The following NEURL1B variants were observed in gnomAD, a reference collection of about 807,000 sequenced individuals.
The protein encoded by NEURL1B is neuralized E3 ubiquitin protein ligase 1B.
A neutral mutation model predicts 37.4 loss-of-function variants in NEURL1B; 13 were observed. The observed-to-expected ratio is 0.35, with a 90% confidence interval of 0.23 to 0.55. The LOEUF is 0.55. Among genes scored for constraint, NEURL1B ranks in the 20% least tolerant of loss-of-function variants. The pLI is 0.89. For missense variants in NEURL1B, 790 were observed against 879.2 expected, an observed-to-expected ratio of 0.90 and a Z score of 1.28; for synonymous variants, 432 against 426.6, an observed-to-expected ratio of 1.01 and a Z score of -0.16.
chr5:172,686,421 C>A lies in NEURL1B; in HGVS notation c.1423+125C>A. ...TTTCCCCCGCATCCTCTCCTTCCCTCAGCTGTATGCTCAGCTGGAGGGAGG... is the reference window on the plus strand; with the variant it reads ...TTTCCCCCGCATCCTCTCCTTCCCTAAGCTGTATGCTCAGCTGGAGGGAGG... On this transcript the variant is annotated intron_variant, in intron 4 of 4. Transcript: ENST00000369800. This position sits in a 1 kb window ranked among gnomAD's most constrained non-coding sequence, Gnocchi z 7.9. 9.5e-7 allele frequency: 1 copy of A among 1,053,292 alleles called. No homozygotes were observed. The highest frequency in any genetic ancestry group is 1.6e-5 in the African/African-American group (1 of 63,302). The allele number at this position is 1,053,292 out of a possible 1,614,324, so 65.2% of individuals were successfully genotyped here.
chr5:172,686,822 G>A lies in NEURL1B; in HGVS notation c.1565G>A (p.Cys522Tyr). The A allele has an allele frequency of 8.4e-6, 13 of 1,551,778 alleles. No homozygotes were observed. Among genetic ancestry groups the A allele is most frequent in the Non-Finnish European group, 1.1e-5 (13 of 1,147,294 alleles). ...DTVIYTCGHM[C>Y]LCHSCGLRLK... The stretch of plus-strand genomic sequence containing the variant: ...GTCATCTACACGTGTGGACACATGT[G>A]CCTGTGCCACAGCTGCGGCCTGCGG... The change falls in exon 5 of 5, where the codon TGC (cysteine) becomes TAC (tyrosine). Residue 522 changes from cysteine to tyrosine, a missense_variant. Cys to Tyr is a radical substitution (Grantham distance 194). Coordinates refer to ENST00000369800, the MANE Select transcript of NEURL1B (RefSeq NM_001142651.3). This position sits in a 1 kb window ranked among gnomAD's most constrained non-coding sequence, Gnocchi z 7.9.
chr5:172,686,097 G>C lies in NEURL1B; in HGVS notation c.1298-74G>C. 3 of 1,522,440 alleles carry C rather than the reference G, an allele frequency of 2.0e-6. No individual in the cohort carries two copies. 94.3% of individuals were successfully genotyped at this position (1,522,440 alleles called of 1,614,324 possible). ...TTAGACGGGAAAGCTAAGGTGCAAA[G>C]CAGTGAAGAACCATGGACTAGCAGG... On this transcript the variant is annotated intron_variant, in intron 3 of 4. Transcript: ENST00000369800. This position sits in a 1 kb window ranked among gnomAD's most constrained non-coding sequence, Gnocchi z 7.9.
chr5:172,655,721 G>T (rs1224634648), intron 1 of NEURL1B, among the ~76,000 whole-genome samples: 6 of 150,656 alleles, frequency 4.0e-5, no homozygotes, highest in Non-Finnish European at 8.8e-5. Context: ...TTGCTGGCCA[G>T]TGTTTGTTTT....
In NEURL1B at chr5:172,683,393, C is replaced by T. The variant is rs1758403363; in HGVS notation, c.578-26C>T. 7 of 1,302,862 alleles carry T rather than the reference C, an allele frequency of 5.4e-6. No individual in the cohort carries two copies. Among genetic ancestry groups the T allele is most frequent in the African/African-American group, 1.5e-5 (1 of 65,222 alleles). 80.7% of individuals were successfully genotyped at this position (1,302,862 alleles called of 1,614,324 possible). A position where few individuals can be genotyped will look rare whatever the true frequency, so the allele number is the denominator to read the frequency against. On this transcript the variant is annotated intron_variant, in intron 2 of 4. Coordinates refer to ENST00000369800, the MANE Select transcript of NEURL1B (RefSeq NM_001142651.3). The surrounding 1 kb of genome is among the most constrained non-coding windows in gnomAD (Gnocchi z 5.6). Reference sequence around the variant, plus strand: ...AGCCTGACGCGCGGCCTCTCCCCCTCCATGTCCCTCCCTTTGTCCGCACAG... The same window carrying T: ...AGCCTGACGCGCGGCCTCTCCCCCTTCATGTCCCTCCCTTTGTCCGCACAG...
chr5:172,683,729 C>T lies in NEURL1B; in HGVS notation c.888C>T (p.Arg296=). 4.4e-6 allele frequency: 6 copies of T among 1,357,110 alleles called. No individual in the cohort carries two copies. The highest frequency in any genetic ancestry group is 5.7e-6 in the Non-Finnish European group (6 of 1,046,996). 84.1% of individuals were successfully genotyped at this position (1,357,110 alleles called of 1,614,324 possible). Residue 296 remains arginine, a synonymous_variant, in exon 3 of 5, where the codon CGC becomes CGT. Coordinates refer to ENST00000369800, the MANE Select transcript of NEURL1B (RefSeq NM_001142651.3). This position sits in a 1 kb window ranked among gnomAD's most constrained non-coding sequence, Gnocchi z 5.6. ...RGPDVSLSAD[R]KVACAPRPDG... is the part of the protein sequence containing the mutation. ...CCGACGTGAGCCTGTCGGCCGACCG[C>T]AAAGTGGCCTGCGCACCGCGGCCCG...
chr5:172,642,622 T>C (rs1757487605), intron 1 of NEURL1B, among the ~76,000 whole-genome samples: 2 of 152,104 alleles, frequency 1.3e-5, no homozygotes, highest in South Asian at 4.1e-4. Flanking sequence ...CTGGAGCGGG[T>C]TGAAGTGGAC....
At position 172,682,982 on chromosome 5, in the gene NEURL1B, C is replaced by G. The variant is rs536130318; in HGVS notation, c.578-437C>G. Among the ~76,000 whole-genome samples, 28 of 152,256 alleles carry G rather than the reference C, an allele frequency of 1.8e-4. No homozygotes were observed. In the South Asian group the frequency reaches 2.3e-3, roughly 12 times the overall value. On this transcript the variant is annotated intron_variant, in intron 2 of 4. Transcript: ENST00000369800. ...TAGAAGTGCCCGTTGCGTAAGGCCACGAGTACAGGTTTGCTCTTTTTATTG... is the reference window on the plus strand; with the variant it reads ...TAGAAGTGCCCGTTGCGTAAGGCCAGGAGTACAGGTTTGCTCTTTTTATTG...
In NEURL1B at chr5:172,686,875, C is replaced by A. The variant is rs750048346; in HGVS notation, c.1618C>A (p.Pro540Thr). The change falls in exon 5 of 5, where the codon CCC becomes ACC. Residue 540 changes from proline (P) to threonine (T), a missense_variant. Physicochemically the swap from Pro to Thr is conservative, Grantham distance 38 (BLOSUM62 -1). Transcript: ENST00000369800. The surrounding 1 kb of genome is among the most constrained non-coding windows in gnomAD (Gnocchi z 7.9). ...RLKRQARACC[P>T]ICRRPIKDVI... Reference sequence around the variant, plus strand: ...CAAGCGACAGGCCCGGGCCTGCTGCCCCATCTGCCGGCGGCCCATCAAGGA... The same window carrying A: ...CAAGCGACAGGCCCGGGCCTGCTGCACCATCTGCCGGCGGCCCATCAAGGA... 1.9e-6 allele frequency: 3 copies of A among 1,550,488 alleles called. No homozygotes were observed. The highest frequency in any genetic ancestry group is 2.6e-6 in the Non-Finnish European group (3 of 1,146,624).
chr5:172,690,983 A>C lies in NEURL1B; in HGVS notation c.*4058A>C, dbSNP rs1758642339. On this transcript the variant is annotated 3_prime_UTR_variant, in exon 5 of 5. Transcript: ENST00000369800. ...CATTGCTCGGCCCTGCGCCTGCCCC[A>C]GTCCTGGCAGGGGGCACCGGCTCAG... The C allele has an allele frequency of 6.6e-6, 1 of 152,104 alleles. No homozygotes were observed. Among genetic ancestry groups the C allele is most frequent in the African/African-American group, 2.4e-5 (1 of 41,398 alleles). The allele number at this position is 152,104 out of a possible 1,614,324, so 9.4% of individuals were successfully genotyped here. A position where few individuals can be genotyped will look rare whatever the true frequency, so the allele number is the denominator to read the frequency against.
chr5:172,656,280 G>A (rs571171559), intron 1 of NEURL1B, among the ~76,000 whole-genome samples: 11 of 152,286 alleles, frequency 7.2e-5, no homozygotes, highest in Admixed American at 2.0e-4. Context: ...AGAGTGGAGC[G>A]GGTGATCAGA....
intron 1 of NEURL1B, among the ~76,000 whole-genome samples, chr5:172,662,703 C>T (rs1757923461): frequency 6.6e-6 from 1 of 152,148 alleles, no homozygotes; most frequent in South Asian, 2.1e-4. Context: ...ATCTCAGAGC[C>T]ACCCAGGAAG....
intron 1 of NEURL1B, among the ~76,000 whole-genome samples, chr5:172,645,277 T>G (rs912040451): frequency 1.3e-5 from 2 of 152,154 alleles, no homozygotes; most frequent in Non-Finnish European, 2.9e-5. Context: ...TCCCCTAACC[T>G]ACGTGGACAG....
intron 1 of NEURL1B, among the ~76,000 whole-genome samples, chr5:172,645,412 G>A (rs1757542155): frequency 1.3e-5 from 2 of 152,116 alleles, no homozygotes; most frequent in Non-Finnish European, 2.9e-5. Context: ...GAGCCTAGCC[G>A]GGACACATCT....
chr5:172,658,155 G>A (rs1456630873), intron 1 of NEURL1B, among the ~76,000 whole-genome samples: 1 of 152,020 alleles, frequency 6.6e-6, no homozygotes, highest in Non-Finnish European at 1.5e-5. Flanking sequence ...CGGTCTCCAC[G>A]TCTTGGTGGT....
In NEURL1B at chr5:172,665,545, A is replaced by T. The variant is rs1235836657; in HGVS notation, c.32-4240A>T. Among the ~76,000 whole-genome samples the T allele has an allele frequency of 1.3e-5, 2 of 152,294 alleles. No individual in the cohort carries two copies. Among genetic ancestry groups the T allele is most frequent in the South Asian group, 2.1e-4 (1 of 4,832 alleles). On this transcript the variant is annotated intron_variant, in intron 1 of 4. Coordinates refer to ENST00000369800, the MANE Select transcript of NEURL1B (RefSeq NM_001142651.3). This position sits in a 1 kb window ranked among gnomAD's most constrained non-coding sequence, Gnocchi z 4.1. ...TGTAGCGGCTCCCTCTTGCCCATGC[A>T]GTGCGTTCTGAGCCTCTTGGGCTGG...
At chr5:172,663,520 C>CAAA (rs34033673) in intron 1 of NEURL1B, among the ~76,000 whole-genome samples, 153 of 111,016 alleles carry the variant, frequency 1.4e-3, no homozygotes, top group African/African-American at 4.9e-3. Flanking sequence ...GACTCCATCT[C>CAAA]AAAAAAAAAA....
At chr5:172,663,829 T>TTATTATTATTATTATTA (rs1757951653) in intron 1 of NEURL1B, among the ~76,000 whole-genome samples, 1 of 140,826 alleles carries the variant, frequency 7.1e-6, no homozygotes, top group Admixed American at 7.2e-5. Context: ...GTTTTATTTG[T>TTATTATTATTATTATTA]TTATTATTAT....
chr5:172,664,495 G>C (rs1308679439), intron 1 of NEURL1B, among the ~76,000 whole-genome samples: 1 of 143,348 alleles, frequency 7.0e-6, no homozygotes, highest in South Asian at 2.5e-4. Context: ...GGGTGGGGGG[G>C]ACGGGTAGAT....
chr5:172,683,961 G>C lies in NEURL1B; in HGVS notation c.1120G>C (p.Ala374Pro). Residue 374 changes from alanine (A) to proline (P), a missense_variant, in exon 3 of 5, where the codon GCC (alanine) becomes CCC (proline). Ala to Pro is a conservative substitution (Grantham distance 27). Transcript: ENST00000369800. The surrounding 1 kb of genome is among the most constrained non-coding windows in gnomAD (Gnocchi z 5.6). ...CAAAGAGTACTGGGTGGTGGCGCGC[G>C]CCGGGCCCGTGCCGAGCGGCGGCGA... ...DRKEYWVVARAGPVPSGGDAL... is the reference protein window; with the variant it reads ...DRKEYWVVARPGPVPSGGDAL... The C allele has an allele frequency of 7.5e-7, 1 of 1,331,234 alleles. No individual in the cohort carries two copies. The allele number at this position is 1,331,234 out of a possible 1,614,324, so 82.5% of individuals were successfully genotyped here. A position where few individuals can be genotyped will look rare whatever the true frequency, so the allele number is the denominator to read the frequency against.
Sources: allele counts gnomAD v4.1 joint callset (sites outside exome capture counted in the v4.1 genomes callset), GRCh38; gene constraint gnomAD v4.1.1; non-coding constraint Gnocchi (gnomAD v3.1); transcripts MANE v1.5; gene names NCBI Gene and HGNC (gene_info 2026-07-23, HGNC 2026-07-21).